DSCAM: variants seen among roughly 807,000 people sequenced by gnomAD.
The protein encoded by DSCAM is cell adhesion molecule DSCAM.
A neutral mutation model predicts 217.7 loss-of-function variants in DSCAM; 47 were observed. The observed-to-expected ratio is 0.22, with a 90% CI of 0.17 to 0.28. The LOEUF (loss-of-function observed/expected upper bound fraction) is 0.28, where lower values mean the gene tolerates loss of function less well. DSCAM is among the 10% of genes least tolerant of loss of function. DSCAM has a pLI of 1.00. For missense variants in DSCAM, 2,080 were observed against 2,618.3 expected (o/e 0.79, Z 4.49); for synonymous variants, 1,056 against 1,015.3 (o/e 1.04, Z -0.76).
chr21:40,756,523 C>G (rs971859424), intron 1 of DSCAM, among the ~76,000 whole-genome samples: 12 of 151,972 alleles, frequency 7.9e-5, no homozygotes, highest in African/African-American at 2.4e-4. Flanking sequence ...TCCCAAGTAG[C>G]TGGGATTACA....
intron 3 of DSCAM, among the ~76,000 whole-genome samples, chr21:40,488,713 A>G (rs775164226): frequency 3.9e-5 from 6 of 152,124 alleles, no homozygotes; most frequent in Non-Finnish European, 5.9e-5. Flanking sequence ...TGAAAAGAAA[A>G]AGCTTTATTT....
At chr21:40,364,644 G>A (rs568112335) in intron 4 of DSCAM, among the ~76,000 whole-genome samples, 66 of 149,300 alleles carry the variant, frequency 4.4e-4, no homozygotes, top group African/African-American at 1.6e-3. Context: ...ATACCTGTAC[G>A]TTATGCACGT....
chr21:40,796,893 C>T (rs1197317820), intron 1 of DSCAM, among the ~76,000 whole-genome samples: 2 of 152,098 alleles, frequency 1.3e-5, no homozygotes. Context: ...ATTGGAAAGA[C>T]AAGAGTATCC....
chr21:40,738,414 A>G (rs942501848), intron 1 of DSCAM, among the ~76,000 whole-genome samples: 4 of 152,162 alleles, frequency 2.6e-5, no homozygotes, highest in African/African-American at 9.7e-5. Context: ...GGACAATCCT[A>G]ACTGTTGTAA....
At chr21:40,819,713 T>G (rs2091910818) in intron 1 of DSCAM, among the ~76,000 whole-genome samples, 1 of 152,188 alleles carries the variant, frequency 6.6e-6, no homozygotes, top group Admixed American at 6.5e-5. Flanking sequence ...CATGAATATG[T>G]TTGCCATGAT....
intron 11 of DSCAM, among the ~76,000 whole-genome samples, chr21:40,230,590 T>C (rs1442418103): frequency 6.6e-6 from 1 of 152,228 alleles, no homozygotes. Context: ...TTTATTGCTA[T>C]ACATTTTACT....
At chr21:40,780,089 G>T (rs144137417) in intron 1 of DSCAM, among the ~76,000 whole-genome samples, 1 of 152,280 alleles carries the variant, frequency 6.6e-6, no homozygotes, top group East Asian at 1.9e-4. Context: ...AACAATCGCA[G>T]ATGTAGATGT....
intron 11 of DSCAM, among the ~76,000 whole-genome samples, chr21:40,197,882 A>G (rs563478834): frequency 6.6e-6 from 1 of 152,330 alleles, no homozygotes; most frequent in South Asian, 2.1e-4. Context: ...ATCTAGAAGG[A>G]GAATCCAGGT....
chr21:40,796,048 C>G lies in DSCAM; in HGVS notation c.43+50571G>C, dbSNP rs139088107. Among the ~76,000 whole-genome samples the G allele has an allele frequency of 2.2e-4, 34 of 152,332 alleles. No individual in the cohort carries two copies. The East Asian group carries it at 4.2e-3, about 19-fold the overall frequency. ...AATGTACTATCCATTTTAGCTTATTCAATCCTCAAAACAATCCTGTGAAAA... is the reference window on the plus strand; with the variant it reads ...AATGTACTATCCATTTTAGCTTATTGAATCCTCAAAACAATCCTGTGAAAA... On this transcript the variant is annotated intron_variant, in intron 1 of 32. Coordinates refer to ENST00000400454, the MANE Select transcript of DSCAM (RefSeq NM_001389.5).
At chr21:40,697,109 A>G (rs1427782267) in intron 2 of DSCAM, among the ~76,000 whole-genome samples, 1 of 151,684 alleles carries the variant, frequency 6.6e-6, no homozygotes, top group East Asian at 1.9e-4. Flanking sequence ...TCCACTCTCC[A>G]CCTCCATAAG....
intron 32 of DSCAM, among the ~76,000 whole-genome samples, chr21:40,032,073 G>A (rs1420497559): frequency 6.6e-6 from 1 of 152,142 alleles, no homozygotes; most frequent in African/African-American, 2.4e-5. Context: ...AGCTCCTTCT[G>A]TGGGATGATT....
intron 3 of DSCAM, among the ~76,000 whole-genome samples, chr21:40,431,837 C>A (rs1008820413): frequency 1.3e-5 from 2 of 152,180 alleles, no homozygotes; most frequent in African/African-American, 4.8e-5. Context: ...GTACTAGTTT[C>A]TTGTGGCTAT....
intron 20 of DSCAM, among the ~76,000 whole-genome samples, chr21:40,102,458 T>C (rs2089764113): frequency 6.6e-6 from 1 of 152,152 alleles, no homozygotes; most frequent in African/African-American, 2.4e-5. Flanking sequence ...GAACTAAATG[T>C]GCACAGTTTA....
In DSCAM at chr21:40,016,509, C is replaced by T. The variant is rs928902135; in HGVS notation, c.5687-3123G>A. ...CGTAGCTCTAGGATGACTCACTGCT[C>T]GTTTTCTGAGTCTAAAGTAACTGAA... On this transcript the variant is annotated intron_variant, in intron 32 of 32. Coordinates refer to ENST00000400454, the MANE Select transcript of DSCAM (RefSeq NM_001389.5). The surrounding 1 kb of genome is among the most constrained non-coding windows in gnomAD (Gnocchi z 4.3). Among the ~76,000 whole-genome samples, 2 of 152,160 alleles carry T rather than the reference C, an allele frequency of 1.3e-5. No homozygotes were observed. The highest frequency in any genetic ancestry group is 2.9e-5 in the Non-Finnish European group (2 of 68,020).
intron 11 of DSCAM, among the ~76,000 whole-genome samples, chr21:40,259,418 G>A (rs1250096364): frequency 6.6e-6 from 1 of 151,948 alleles, no homozygotes; most frequent in African/African-American, 2.4e-5. Flanking sequence ...ACTCCACTCT[G>A]AGCAAATACA....
chr21:40,799,649 C>T (rs1341944102), intron 1 of DSCAM, among the ~76,000 whole-genome samples: 1 of 152,166 alleles, frequency 6.6e-6, no homozygotes, highest in Non-Finnish European at 1.5e-5. Context: ...AAGTCTTTTT[C>T]AGCTTGTAAA....
intron 3 of DSCAM, among the ~76,000 whole-genome samples, chr21:40,455,937 G>A (rs752221791): frequency 3.9e-5 from 6 of 152,084 alleles, no homozygotes; most frequent in South Asian, 2.1e-4. Flanking sequence ...TGGTGTGCTC[G>A]GGGAAGAGCA....
intron 3 of DSCAM, among the ~76,000 whole-genome samples, chr21:40,519,187 G>A (rs1380982905): frequency 6.6e-6 from 1 of 152,276 alleles, no homozygotes; most frequent in East Asian, 1.9e-4. Context: ...CTAGGCATGT[G>A]TAAATATATG....
Position 40,144,806 on chromosome 21 carries a change from G to T in DSCAM, c.3019-75C>A. The T allele has an allele frequency of 1.3e-6, 2 of 1,585,532 alleles. No homozygotes were observed. Among genetic ancestry groups the T allele is most frequent in the Non-Finnish European group, 1.7e-6 (2 of 1,166,094 alleles). ...GAGCGAAATCAACGCCCACACCCAC[G>T]TAGGAAAGCAGAAATAAAGTGGAGT... On this transcript the variant is annotated intron_variant, in intron 16 of 32. Transcript: ENST00000400454. This position sits in a 1 kb window ranked among gnomAD's most constrained non-coding sequence, Gnocchi z 4.8.
Sources: allele counts gnomAD v4.1 joint callset (sites outside exome capture counted in the v4.1 genomes callset), GRCh38; gene constraint gnomAD v4.1.1; non-coding constraint Gnocchi (gnomAD v3.1); transcripts MANE v1.5; gene names NCBI Gene and HGNC (gene_info 2026-07-23, HGNC 2026-07-21).